The following SMYD3 variants were observed in gnomAD, a reference collection of about 807,000 sequenced individuals.
SMYD3 encodes SET and MYND domain containing 3, also known as histone-lysine N-methyltransferase SMYD3.
SMYD3 carries 36 observed loss-of-function variants against 57.7 expected under a neutral mutation model. That is an observed-to-expected ratio of 0.62 (90% CI 0.48 to 0.82). SMYD3 has a LOEUF of 0.82. Among genes scored for constraint, SMYD3 ranks in the 40% least tolerant of loss-of-function variants. SMYD3 has a pLI of 0.00. For missense variants in SMYD3, 515 were observed against 538.8 expected, an observed-to-expected ratio of 0.96 and a Z score of 0.44; for synonymous variants, 211 against 195.0, an observed-to-expected ratio of 1.08 and a Z score of -0.68.
intron 8 of SMYD3, among the ~76,000 whole-genome samples, chr1:245,869,498 G>A (rs2052058471): frequency 6.6e-6 from 1 of 152,176 alleles, no homozygotes; most frequent in Non-Finnish European, 1.5e-5. Context: ...CTCCATCTCT[G>A]GTGACTGCTC....
chr1:245,804,172 AAGTGTTGGGAT>A (rs895784359), intron 10 of SMYD3, among the ~76,000 whole-genome samples: 1 of 151,926 alleles, frequency 6.6e-6, no homozygotes, highest in African/African-American at 2.4e-5. Flanking sequence ...CGGCCTCCCA[AAGTGTTGGGAT>A]TACAGGCGTG....
In SMYD3 at chr1:245,800,437, T is replaced by A. The variant is rs761779173; in HGVS notation, c.1077-36288A>T. Among the ~76,000 whole-genome samples the A allele has an allele frequency of 6.7e-4, 102 of 152,236 alleles. 1 individual carries two copies. The highest frequency in any genetic ancestry group is 2.8e-4 in the Non-Finnish European group (19 of 68,002). On this transcript the variant is annotated intron_variant, in intron 10 of 11. Transcript: ENST00000490107. The stretch of plus-strand genomic sequence containing the variant: ...GGTTATATATGCTGGGTTTTTTTTT[T>A]AAATAATGCTATATCTAATAGTGCT...
At chr1:246,316,399 G>T (rs150589798) in intron 5 of SMYD3, among the ~76,000 whole-genome samples, 1 of 143,636 alleles carries the variant, frequency 7.0e-6, no homozygotes, top group Non-Finnish European at 1.5e-5. Flanking sequence ...CACTCTTGTC[G>T]CCCAGGCTGG....
intron 1 of SMYD3, among the ~76,000 whole-genome samples, chr1:246,460,950 A>G (rs1185897169): frequency 1.3e-5 from 2 of 152,220 alleles, no homozygotes; most frequent in African/African-American, 4.8e-5. Flanking sequence ...ATAAACCCCA[A>G]TCATCATAAG....
intron 1 of SMYD3, among the ~76,000 whole-genome samples, chr1:246,499,015 G>A (rs1335348975): frequency 6.6e-6 from 1 of 151,334 alleles, no homozygotes; most frequent in Non-Finnish European, 1.5e-5. Context: ...AGGTGGTTGT[G>A]AGCTCCTGGC....
chr1:245,916,764 TC>T (rs1472068637), intron 7 of SMYD3, among the ~76,000 whole-genome samples: 1 of 152,120 alleles, frequency 6.6e-6, no homozygotes, highest in African/African-American at 2.4e-5. Flanking sequence ...CACTCCACCC[TC>T]TAGCCAGAGT....
intron 1 of SMYD3, among the ~76,000 whole-genome samples, chr1:246,366,922 C>A (rs1466180730): frequency 8.0e-6 from 1 of 124,526 alleles, no homozygotes; most frequent in Non-Finnish European, 1.6e-5. Flanking sequence ...CAGAGCGAGA[C>A]TCCATCTCAA....
intron 5 of SMYD3, among the ~76,000 whole-genome samples, chr1:246,249,520 G>GT (rs919019133): frequency 4.8e-4 from 47 of 96,984 alleles, no homozygotes; most frequent in Middle Eastern, 4.2e-3. Context: ...CTAGTTTTTT[G>GT]TTTTTTTTGT....
At chr1:246,160,528 T>G (rs1176691771) in intron 5 of SMYD3, among the ~76,000 whole-genome samples, 2 of 152,152 alleles carry the variant, frequency 1.3e-5, no homozygotes, top group African/African-American at 4.8e-5. Flanking sequence ...TGTGCAAAGG[T>G]GGGCCCAGAG....
chr1:246,170,929 T>C (rs1455857809), intron 5 of SMYD3, among the ~76,000 whole-genome samples: 2 of 152,230 alleles, frequency 1.3e-5, no homozygotes, highest in Non-Finnish European at 2.9e-5. Context: ...AGTTTTTTTA[T>C]ATGCAAAATT....
intron 5 of SMYD3, among the ~76,000 whole-genome samples, chr1:246,181,813 AT>A (rs1327174416): frequency 6.6e-6 from 1 of 152,220 alleles, no homozygotes; most frequent in African/African-American, 2.4e-5. Context: ...CTCCAGATAC[AT>A]AGACACAACT....
intron 5 of SMYD3, among the ~76,000 whole-genome samples, chr1:246,271,241 C>T (rs1251660959): frequency 1.3e-5 from 2 of 152,104 alleles, no homozygotes. Flanking sequence ...TTCTCCCATA[C>T]TCTGGGTTAC....
intron 5 of SMYD3, among the ~76,000 whole-genome samples, chr1:246,299,749 C>T (rs1160682978): frequency 6.6e-6 from 1 of 152,032 alleles, no homozygotes; most frequent in African/African-American, 2.4e-5. Flanking sequence ...AAACCAAACA[C>T]CGCATGTTCT....
intron 2 of SMYD3, among the ~76,000 whole-genome samples, chr1:246,352,507 A>G (rs1469085765): frequency 6.6e-6 from 1 of 152,244 alleles, no homozygotes; most frequent in African/African-American, 2.4e-5. Context: ...TGAGATAAAC[A>G]CAGCAGTTTA....
chr1:246,089,053 G>A (rs746053965), intron 5 of SMYD3, among the ~76,000 whole-genome samples: 3 of 152,014 alleles, frequency 2.0e-5, no homozygotes, highest in African/African-American at 4.8e-5. Context: ...GCGTAAACAC[G>A]GCTCACTGTG....
intron 2 of SMYD3, among the ~76,000 whole-genome samples, chr1:246,346,832 G>A (rs1450655156): frequency 5.9e-5 from 9 of 152,152 alleles, no homozygotes; most frequent in African/African-American, 1.7e-4. Flanking sequence ...GAGACAGAGC[G>A]AGCATTAGTA....
chr1:245,835,340 G>A (rs1022877368), intron 10 of SMYD3, among the ~76,000 whole-genome samples: 3 of 152,066 alleles, frequency 2.0e-5, no homozygotes, highest in East Asian at 1.9e-4. Context: ...AGATGGTCTC[G>A]ATCTCTTGAC....
At chr1:245,957,079 T>G (rs137911738) in intron 5 of SMYD3, among the ~76,000 whole-genome samples, 14 of 152,194 alleles carry the variant, frequency 9.2e-5, no homozygotes, top group Non-Finnish European at 1.9e-4. Flanking sequence ...CCAATAGGCA[T>G]GTATTCATCT....
At chr1:246,263,905 G>A (rs755654603) in intron 5 of SMYD3, among the ~76,000 whole-genome samples, 11 of 152,136 alleles carry the variant, frequency 7.2e-5, no homozygotes, top group Non-Finnish European at 1.5e-4. Context: ...CTTATTAGGT[G>A]TAATTAATAT....
Sources: allele counts gnomAD v4.1 joint callset (sites outside exome capture counted in the v4.1 genomes callset), GRCh38; gene constraint gnomAD v4.1.1; transcripts MANE v1.5; gene names NCBI Gene and HGNC (gene_info 2026-07-23, HGNC 2026-07-21).